Variants in ADGRD1 observed in about 807,000 individuals in gnomAD.
The protein encoded by ADGRD1 is adhesion G protein-coupled receptor D1.
ADGRD1 carries 77 observed loss-of-function variants against 113.4 expected under a neutral mutation model. The observed-to-expected ratio is 0.68, with a 90% CI of 0.57 to 0.82. The LOEUF is 0.82. ADGRD1 is among the 40% of genes least tolerant of loss of function. The probability of loss-of-function intolerance (pLI) is 0.00; values close to 1 mark genes in which losing one functional copy is unlikely to be tolerated. For synonymous variants in ADGRD1, 474 were observed against 475.0 expected, an observed-to-expected ratio of 1.00 and a Z score of 0.03; for missense variants, 1,036 against 1,139.1, an observed-to-expected ratio of 0.91 and a Z score of 1.30.
intron 20 of ADGRD1, 134 bp downstream of exon 20, chr12:131,121,047 C>A: frequency 1.4e-6 from 1 of 736,880 alleles, no homozygotes; most frequent in Non-Finnish European, 2.3e-6. Context: ...GGTCACTCCT[C>A]GCTAGGGCTC....
intron 7 of ADGRD1, among the ~76,000 whole-genome samples, chr12:130,991,664 G>GT (rs1001474695): frequency 6.6e-6 from 1 of 152,176 alleles, no homozygotes; most frequent in African/African-American, 2.4e-5. Flanking sequence ...ATTCACAAAA[G>GT]TGTCAGATAC....
At chr12:131,097,091 CT>C (rs1399726123) in intron 15 of ADGRD1, among the ~76,000 whole-genome samples, 1 of 152,198 alleles carries the variant, frequency 6.6e-6, no homozygotes, top group East Asian at 1.9e-4. Context: ...CTCACTACCC[CT>C]ATGAGGTCCC....
chr12:130,979,238 C>A (rs1317472927), intron 4 of ADGRD1, among the ~76,000 whole-genome samples: 3 of 152,192 alleles, frequency 2.0e-5, no homozygotes, highest in African/African-American at 4.8e-5. Flanking sequence ...TGGAGTTGTA[C>A]CCCGTAGCCT....
At chr12:131,068,363 G>A (rs892379236) in intron 13 of ADGRD1, among the ~76,000 whole-genome samples, 5 of 152,176 alleles carry the variant, frequency 3.3e-5, no homozygotes, top group African/African-American at 9.7e-5. Flanking sequence ...AGACAGACCA[G>A]AATCTCAGAT....
At chr12:131,015,992 A>G (rs1201488308) in intron 13 of ADGRD1, among the ~76,000 whole-genome samples, 1 of 152,054 alleles carries the variant, frequency 6.6e-6, no homozygotes, top group Admixed American at 6.5e-5. Flanking sequence ...CCGGCTTTCC[A>G]TGCACCTCTG....
chr12:130,994,645 G>A (rs927811757), intron 8 of ADGRD1, among the ~76,000 whole-genome samples: 1 of 152,242 alleles, frequency 6.6e-6, no homozygotes, highest in East Asian at 1.9e-4. Context: ...TTAGACGAAT[G>A]TTGATTAAAC....
chr12:131,000,326 C>G, intron 8 of ADGRD1, 57 bp from the exon 9 acceptor site: 1 of 1,377,722 alleles, frequency 7.3e-7, no homozygotes, highest in Non-Finnish European at 1.0e-6. Flanking sequence ...AACTGAAGGT[C>G]TTCAAGTTTG....
chr12:131,139,068 C>A, intron 24 of ADGRD1, 100 bp from the exon 25 acceptor site: 2 of 838,230 alleles, frequency 2.4e-6, no homozygotes, highest in Non-Finnish European at 3.8e-6. Flanking sequence ...CAGGGAGAAT[C>A]CTCGGGCAGC....
At chr12:131,073,307 A>G (rs1002601316) in intron 13 of ADGRD1, among the ~76,000 whole-genome samples, 4 of 151,938 alleles carry the variant, frequency 2.6e-5, no homozygotes, top group African/African-American at 9.7e-5. Flanking sequence ...CTCTCCCATT[A>G]CTTCTGTTAT....
At chr12:131,000,976 G>A (rs1435318426) in intron 9 of ADGRD1, among the ~76,000 whole-genome samples, 8 of 152,162 alleles carry the variant, frequency 5.3e-5, no homozygotes, top group East Asian at 3.8e-4. Context: ...AGAAATGCAC[G>A]TGTGTCAGTA....
At chr12:131,093,474 G>T (rs558718764) in intron 15 of ADGRD1, among the ~76,000 whole-genome samples, 156 of 152,340 alleles carry the variant, frequency 1.0e-3, no homozygotes, top group African/African-American at 3.5e-3. Context: ...GCCAGGTGCA[G>T]CCTTGAGCCT....
Position 131,014,216 on chromosome 12 carries a change from A to G in ADGRD1, c.1349A>G (p.His450Arg), listed in dbSNP as rs200060202. The G allele has an allele frequency of 2.3e-4, 379 of 1,613,984 alleles. 3 individuals carry two copies. The highest frequency in any genetic ancestry group is 2.2e-5 in the East Asian group (1 of 44,886). The change falls in exon 13 of 25, where the codon CAT (histidine) becomes CGT (arginine). Residue 450 changes from histidine to arginine, a missense_variant. His to Arg is a conservative substitution (Grantham distance 29). Coordinates refer to ENST00000261654, the MANE Select transcript of ADGRD1 (RefSeq NM_198827.5). ...TTCCCAAGGATCGCGGAGGCCATGC[A>G]TCACCAGGACTGCCTGCTGTTCGCC... ...PAHTKIAEAM[H>R]HQDCLLFATS...
At chr12:131,082,279 G>A (rs1212998643) in intron 14 of ADGRD1, among the ~76,000 whole-genome samples, 2 of 152,032 alleles carry the variant, frequency 1.3e-5, no homozygotes, top group Non-Finnish European at 2.9e-5. Flanking sequence ...AGACTTCCTG[G>A]GTCATAGGGC....
chr12:131,045,700 T>C (rs1882628212), intron 13 of ADGRD1, among the ~76,000 whole-genome samples: 1 of 151,942 alleles, frequency 6.6e-6, no homozygotes. Flanking sequence ...CACAGCGGAG[T>C]TGGGATTAGA....
intron 20 of ADGRD1, among the ~76,000 whole-genome samples, chr12:131,125,087 T>G (rs181371694): frequency 1.3e-5 from 2 of 152,314 alleles, no homozygotes; most frequent in Non-Finnish European, 2.9e-5. Flanking sequence ...TAATCTCCTC[T>G]TAAAATAAGT....
intron 3 of ADGRD1, chr12:130,967,091 A>G: frequency 2.2e-6 from 1 of 451,802 alleles, no homozygotes; most frequent in South Asian, 1.6e-5. Context: ...CGTTGAATGG[A>G]CTAGCGTCAT....
chr12:131,107,888 G>A (rs1221974466), intron 17 of ADGRD1, among the ~76,000 whole-genome samples: 3 of 152,240 alleles, frequency 2.0e-5, no homozygotes, highest in African/African-American at 7.2e-5. Context: ...CGCCAGCAGA[G>A]CTGGGTTGTC....
intron 8 of ADGRD1, among the ~76,000 whole-genome samples, chr12:130,999,765 G>A (rs1876106068): frequency 6.6e-6 from 1 of 152,148 alleles, no homozygotes. Flanking sequence ...TGGTTTTATG[G>A]GAATGTGGGC....
chr12:131,046,339 CCCTCCCTGGTCAGTGT>C lies in ADGRD1; in HGVS notation c.1474-30446_1474-30431del, dbSNP rs1474153563. 1.6e-4 allele frequency among the ~76,000 whole-genome samples: 18 copies of C among 112,912 alleles called. 1 individual carries two copies. The East Asian group carries it at 2.5e-3, about 16-fold the overall frequency. 74.1% of individuals were successfully genotyped at this position (112,912 alleles called of 152,430 possible). The stretch of plus-strand genomic sequence containing the variant: ...GTCAGTGTCCTCCCTGGTCAGTGCT[CCCTCCCTGGTCAGTGT>C]CCTCCCTGGTCAGTGCTCCTCCCTG... On this transcript the variant is annotated intron_variant, in intron 13 of 24. Coordinates refer to ENST00000261654, the MANE Select transcript of ADGRD1 (RefSeq NM_198827.5).
Sources: allele counts gnomAD v4.1 joint callset (sites outside exome capture counted in the v4.1 genomes callset), GRCh38; gene constraint gnomAD v4.1.1; transcripts MANE v1.5; gene names NCBI Gene and HGNC (gene_info 2026-07-23, HGNC 2026-07-21).